NIN: variants seen among roughly 807,000 people sequenced by gnomAD.
NIN encodes the protein glycogen synthase kinase 3 beta-interacting protein.
Under a neutral mutation model 257.6 loss-of-function variants are expected in NIN, and 137 were observed. The ratio of observed to expected loss-of-function variants is 0.53; its 90% CI spans 0.46 to 0.61. NIN has a LOEUF of 0.61. NIN is among the 20% of genes least tolerant of loss of function. NIN has a pLI of 0.00. For missense variants in NIN, 2,439 were observed against 2,501.2 expected (o/e 0.98, Z 0.53); for synonymous variants, 918 against 919.8 (o/e 1.00, Z 0.04).
In NIN at chr14:50,752,736, A is replaced by G. The variant is rs2041841027; in HGVS notation, c.4735-3T>C. 1.5e-5 allele frequency: 23 copies of G among 1,515,164 alleles called. No homozygotes were observed. Among genetic ancestry groups the G allele is most frequent in the Non-Finnish European group, 2.1e-5 (23 of 1,111,114 alleles). 93.9% of individuals were successfully genotyped at this position (1,515,164 alleles called of 1,614,324 possible). On this transcript the variant is annotated splice_polypyrimidine_tract_variant and splice_region_variant and intron_variant, in intron 20 of 30. Coordinates refer to ENST00000530997, the MANE Select transcript of NIN (RefSeq NM_020921.4). ...TTTTTGATTTTTAATTCTGAAATCT[A>G]ATTAAAATTAAAATAAGTTTTTCAA... is the stretch of plus-strand genomic sequence containing the variant.
rs2043662429 is a variant in NIN at position 50,792,883 on chromosome 14, TGA to T, written c.266-4_266-3del. The stretch of plus-strand genomic sequence containing the variant: ...TGGGCTGAGCTTCTAGTGAGCAGTC[TGA>T]GAGAGGAGACAAGAGTTGAGGCCAC... On this transcript the variant is annotated splice_polypyrimidine_tract_variant and splice_region_variant and intron_variant, in intron 4 of 30. Transcript: ENST00000530997. The T allele has an allele frequency of 6.2e-7, 1 of 1,614,156 alleles. No homozygotes were observed. The highest frequency in any genetic ancestry group is 8.5e-7 in the Non-Finnish European group (1 of 1,179,988).
At chr14:50,807,169 C>A (rs2044369014) in intron 3 of NIN, among the ~76,000 whole-genome samples, 1 of 152,200 alleles carries the variant, frequency 6.6e-6, no homozygotes, top group Non-Finnish European at 1.5e-5. Flanking sequence ...ATTAGAAAAG[C>A]CTTCCCAAGC....
chr14:50,735,969 T>C (rs892483873), intron 27 of NIN, among the ~76,000 whole-genome samples: 13 of 152,168 alleles, frequency 8.5e-5, no homozygotes, highest in Non-Finnish European at 1.9e-4. Flanking sequence ...CTCTGATATT[T>C]TGTAGTATAT....
intron 4 of NIN, among the ~76,000 whole-genome samples, chr14:50,797,386 G>A (rs1171685547): frequency 1.3e-5 from 2 of 152,132 alleles, no homozygotes; most frequent in African/African-American, 4.8e-5. Flanking sequence ...GTGAGCCTGG[G>A]AAATCATTCC....
chr14:50,821,499 CA>C (rs1195688062), intron 3 of NIN, among the ~76,000 whole-genome samples: 1 of 152,232 alleles, frequency 6.6e-6, no homozygotes, highest in African/African-American at 2.4e-5. Context: ...GAGTAAAAGT[CA>C]TAACAATAGC....
chr14:50,756,956 T>C lies in NIN; in HGVS notation c.4074A>G (p.Glu1358=), dbSNP rs1472608315. Residue 1358 remains glutamate (E), a synonymous_variant, in exon 18 of 31, where the codon GAA becomes GAG. Transcript: ENST00000530997. The stretch of plus-strand genomic sequence containing the variant: ...TGAGCTGGAGTATATTTCCATCAGG[T>C]TCGATTTCCAGGTTCTCTAAACTGG... The part of the protein sequence containing the change: ...WEASLENLEI[E]PDGNILQLNQ... The C allele has an allele frequency of 6.2e-7, 1 of 1,602,528 alleles. No individual in the cohort carries two copies. Among genetic ancestry groups the C allele is most frequent in the Middle Eastern group, 1.7e-4 (1 of 6,046 alleles).
intron 3 of NIN, among the ~76,000 whole-genome samples, chr14:50,810,669 TA>T (rs1434573414): frequency 1.3e-5 from 2 of 152,328 alleles, no homozygotes; most frequent in African/African-American, 4.8e-5. Context: ...TTTAATTAAT[TA>T]TTTTTTTTTG....
At chr14:50,778,101 T>G (rs955856417) in intron 6 of NIN, among the ~76,000 whole-genome samples, 1 of 152,226 alleles carries the variant, frequency 6.6e-6, no homozygotes, top group African/African-American at 2.4e-5. Context: ...GGCCAGAGGA[T>G]CAACGTGTTC....
chr14:50,733,331 A>G (rs564237562), intron 28 of NIN, among the ~76,000 whole-genome samples: 2 of 152,098 alleles, frequency 1.3e-5, no homozygotes, highest in African/African-American at 4.8e-5. Context: ...GACCTTGTGA[A>G]CCACCTGCCT....
At position 50,766,329 on chromosome 14, in the gene NIN, T is replaced by C; in HGVS notation, c.1613A>G (p.Asn538Ser). The change falls in exon 14 of 31, where the codon AAT becomes AGT. Residue 538 changes from asparagine (N) to serine (S), a missense_variant. This residue lies in a region of NIN where 2,043 missense variants were observed against 2,050.2 expected (regional missense o/e 1.00). Transcript: ENST00000530997. ...TACCCTGCACTGCCGCTCATATTCATTTCTCATCTGTGTCAGTCTCTCTTC... is the reference window on the plus strand; with the variant it reads ...TACCCTGCACTGCCGCTCATATTCACTTCTCATCTGTGTCAGTCTCTCTTC... ...LQEERLTQMRNEYERQCRVLQ... is the reference protein window; with the variant it reads ...LQEERLTQMRSEYERQCRVLQ... 1.2e-6 allele frequency: 2 copies of C among 1,614,060 alleles called. No individual in the cohort carries two copies. The highest frequency in any genetic ancestry group is 2.2e-5 in the South Asian group (2 of 91,068).
intron 16 of NIN, 110 bp from the exon 17 acceptor site, chr14:50,760,469 C>CT: frequency 9.7e-7 from 1 of 1,032,910 alleles, no homozygotes; most frequent in African/African-American, 1.8e-5. Flanking sequence ...CCCTACAAGA[C>CT]ATTTCTCATT....
At chr14:50,785,195 C>T (rs946673969) in intron 5 of NIN, among the ~76,000 whole-genome samples, 2 of 152,282 alleles carry the variant, frequency 1.3e-5, no homozygotes, top group Admixed American at 6.5e-5. Flanking sequence ...GGGACACCTG[C>T]TTTGCTGGAC....
chr14:50,734,322 C>T (rs1003247378), intron 28 of NIN, among the ~76,000 whole-genome samples: 3 of 152,018 alleles, frequency 2.0e-5, no homozygotes, highest in African/African-American at 7.3e-5. Context: ...GAACTCCTGA[C>T]CTCAGGTGAT....
intron 3 of NIN, among the ~76,000 whole-genome samples, chr14:50,815,257 T>C (rs1014625624): frequency 1.3e-5 from 2 of 152,200 alleles, no homozygotes; most frequent in Admixed American, 6.5e-5. Context: ...TTCTCAAAAG[T>C]AGACATTCAT....
chr14:50,770,286 T>G (rs569600910), intron 12 of NIN, 102 bp downstream of exon 12: 129 of 1,209,796 alleles, frequency 1.1e-4, no homozygotes, highest in South Asian at 9.7e-4. Context: ...TTGGAGGATT[T>G]TTGGACTGAA....
intron 3 of NIN, among the ~76,000 whole-genome samples, chr14:50,819,250 C>T (rs1183824831): frequency 2.0e-5 from 3 of 152,146 alleles, no homozygotes; most frequent in African/African-American, 7.2e-5. Context: ...CTGTAGTTTA[C>T]AGTAAATGTA....
chr14:50,806,363 A>G, intron 4 of NIN: 1 of 159,442 alleles, frequency 6.3e-6, no homozygotes, highest in South Asian at 2.0e-4. Context: ...AAGTAAAATT[A>G]TCTCTAGACT....
chr14:50,754,022 T>C (rs2041916235), intron 20 of NIN, among the ~76,000 whole-genome samples: 1 of 152,246 alleles, frequency 6.6e-6, no homozygotes, highest in African/African-American at 2.4e-5. Flanking sequence ...TCTTTCCCAA[T>C]ATGTCCTTGT....
intron 2 of NIN, among the ~76,000 whole-genome samples, chr14:50,826,702 AGGGACAAAGTCTGGCGAGTGAAAAG>A (rs991693332): frequency 8.5e-5 from 13 of 152,174 alleles, no homozygotes; most frequent in Non-Finnish European, 1.8e-4. Flanking sequence ...GGAGTGAAAA[AGGGACAAAGTCTGGCGAGTGAAAAG>A]GGGACAAAGT....
Sources: allele counts gnomAD v4.1 joint callset (sites outside exome capture counted in the v4.1 genomes callset), GRCh38; gene constraint gnomAD v4.1.1; regional missense constraint gnomAD v4.1.1; transcripts MANE v1.5; gene names NCBI Gene and HGNC (gene_info 2026-07-23, HGNC 2026-07-21).